The following STEAP1B variants were observed in gnomAD, a reference collection of about 807,000 sequenced individuals.
The protein encoded by STEAP1B is STEAP family member 1B.
A neutral mutation model predicts 27.9 loss-of-function variants in STEAP1B; 13 were observed. The observed-to-expected ratio is 0.47, with a 90% CI of 0.30 to 0.74. The LOEUF (loss-of-function observed/expected upper bound fraction) is 0.74. Ranked by LOEUF, STEAP1B falls within the 30% of genes least tolerant of loss-of-function variation. The probability of loss-of-function intolerance (pLI) is 0.06; values close to 1 mark genes in which losing one functional copy is unlikely to be tolerated. For synonymous variants in STEAP1B, 86 were observed against 107.1 expected, an observed-to-expected ratio of 0.80 and a Z score of 1.22; for missense variants, 250 against 298.7, an observed-to-expected ratio of 0.84 and a Z score of 1.20.
rs115232071 is a variant in STEAP1B at position 22,480,443 on chromosome 7, C to T, written c.762+12122G>A. Among the ~76,000 whole-genome samples the T allele has an allele frequency of 6.3e-3, 954 of 152,282 alleles. 12 individuals are homozygous for T. Among genetic ancestry groups the T allele is most frequent in the African/African-American group, 0.022 (919 of 41,548 alleles). ...AAGGCGACAAGAATGTGAGGACACA[C>T]GCTCAAGGTGGGTACTGACAATGCC... On this transcript the variant is annotated intron_variant, in intron 4 of 4. Transcript: ENST00000678116.
chr7:22,481,749 T>C (rs560512234), intron 4 of STEAP1B, among the ~76,000 whole-genome samples: 1 of 152,336 alleles, frequency 6.6e-6, no homozygotes, highest in East Asian at 1.9e-4. Context: ...GGCTATGCCA[T>C]TGCAGGTGCT....
intron 4 of STEAP1B, among the ~76,000 whole-genome samples, chr7:22,427,286 C>A (rs1020411265): frequency 1.3e-5 from 2 of 152,166 alleles, no homozygotes; most frequent in Non-Finnish European, 2.9e-5. Flanking sequence ...GGACAATAGG[C>A]CAAGCAAGAG....
intron 4 of STEAP1B, among the ~76,000 whole-genome samples, chr7:22,456,952 C>CTATATATA (rs199847360): frequency 1.2e-4 from 9 of 73,270 alleles, no homozygotes; most frequent in South Asian, 6.3e-4. Context: ...GGATAGGCAG[C>CTATATATA]TATATATATA....
intron 4 of STEAP1B, among the ~76,000 whole-genome samples, chr7:22,446,138 T>C (rs1785406245): frequency 6.6e-6 from 1 of 152,210 alleles, no homozygotes; most frequent in African/African-American, 2.4e-5. Context: ...GGGCTGTATA[T>C]GAGATGAAGG....
chr7:22,480,360 G>C (rs1030656515), intron 4 of STEAP1B, among the ~76,000 whole-genome samples: 1 of 152,196 alleles, frequency 6.6e-6, no homozygotes, highest in South Asian at 2.1e-4. Flanking sequence ...ACTATTCTGA[G>C]ACTGTAGTCA....
intron 4 of STEAP1B, among the ~76,000 whole-genome samples, chr7:22,439,550 T>G (rs1785300991): frequency 1.3e-5 from 2 of 152,324 alleles, no homozygotes; most frequent in South Asian, 4.1e-4. Context: ...AGTTCCATAT[T>G]GTTCAAAAGG....
In STEAP1B at chr7:22,430,426, G is replaced by A. The variant is rs531052893; in HGVS notation, c.763-10590C>T. Among the ~76,000 whole-genome samples the A allele has an allele frequency of 4.6e-5, 7 of 152,274 alleles. No individual in the cohort carries two copies. The South Asian group carries it at 8.3e-4, about 18-fold the overall frequency. On this transcript the variant is annotated intron_variant, in intron 4 of 4. Transcript: ENST00000678116. Reference sequence around the variant, plus strand: ...ACCACAAGTGCATCATTAATCTTACGACTGAGGCAAGGAATTATTAAAATC... The same window carrying A: ...ACCACAAGTGCATCATTAATCTTACAACTGAGGCAAGGAATTATTAAAATC...
chr7:22,438,848 T>C, intron 4 of STEAP1B: 1 of 1,318,572 alleles, frequency 7.6e-7, no homozygotes, highest in Non-Finnish European at 9.9e-7. Flanking sequence ...GAAAACTGAA[T>C]ACTCTCCTTC....
intron 4 of STEAP1B, among the ~76,000 whole-genome samples, chr7:22,439,827 A>G (rs1785305425): frequency 6.6e-6 from 1 of 152,156 alleles, no homozygotes; most frequent in African/African-American, 2.4e-5. Context: ...CAGAGCTTAT[A>G]TGAAGTATCC....
intron 4 of STEAP1B, among the ~76,000 whole-genome samples, chr7:22,468,328 C>T (rs1194688325): frequency 6.6e-6 from 1 of 151,972 alleles, no homozygotes; most frequent in Non-Finnish European, 1.5e-5. Flanking sequence ...ATTATTACCT[C>T]CATTTTATAG....
intron 4 of STEAP1B, among the ~76,000 whole-genome samples, chr7:22,462,836 A>C (rs1022050562): frequency 2.9e-4 from 44 of 151,584 alleles, no homozygotes; most frequent in Non-Finnish European, 5.2e-4. Context: ...GAACTAGTTT[A>C]CAGTCCCACC....
At chr7:22,437,123 G>T (rs1785265336) in intron 4 of STEAP1B, among the ~76,000 whole-genome samples, 2 of 152,190 alleles carry the variant, frequency 1.3e-5, no homozygotes, top group Admixed American at 1.3e-4. Context: ...CTAATACCCA[G>T]TATCTATAAG....
At chr7:22,474,885 G>A (rs1785944851) in intron 4 of STEAP1B, among the ~76,000 whole-genome samples, 1 of 152,220 alleles carries the variant, frequency 6.6e-6, no homozygotes, top group African/African-American at 2.4e-5. Context: ...GCAGGTAGCT[G>A]TGTGAACATT....
intron 4 of STEAP1B, among the ~76,000 whole-genome samples, chr7:22,452,340 G>C (rs1785504262): frequency 6.6e-6 from 1 of 152,124 alleles, no homozygotes; most frequent in African/African-American, 2.4e-5. Flanking sequence ...TCATATTTGT[G>C]TGAGAAACGG....
intron 4 of STEAP1B, among the ~76,000 whole-genome samples, chr7:22,448,272 C>T (rs927734930): frequency 1.3e-5 from 2 of 152,116 alleles, no homozygotes; most frequent in Non-Finnish European, 2.9e-5. Flanking sequence ...TTAATGAATG[C>T]ATTTCTATAT....
At chr7:22,476,546 T>C (rs183780979) in intron 4 of STEAP1B, among the ~76,000 whole-genome samples, 5 of 152,328 alleles carry the variant, frequency 3.3e-5, no homozygotes, top group African/African-American at 1.2e-4. Context: ...ATCCCCTGTA[T>C]AGTCCACATT....
chr7:22,442,703 T>A (rs906013768), intron 4 of STEAP1B, among the ~76,000 whole-genome samples: 1 of 152,200 alleles, frequency 6.6e-6, no homozygotes, highest in Admixed American at 6.5e-5. Context: ...CACATTGCAG[T>A]GACTTTGGGC....
intron 4 of STEAP1B, among the ~76,000 whole-genome samples, chr7:22,491,943 T>C (rs1054850022): frequency 2.0e-5 from 3 of 152,136 alleles, no homozygotes; most frequent in Admixed American, 6.5e-5. Flanking sequence ...TGAAGTAGAA[T>C]AGAGGATATA....
chr7:22,437,272 C>T (rs1253071291), intron 4 of STEAP1B, among the ~76,000 whole-genome samples: 4 of 152,212 alleles, frequency 2.6e-5, no homozygotes, highest in African/African-American at 4.8e-5. Context: ...TCCTCTCCCT[C>T]GTTCCTAATA....
Sources: gnomAD v4.1 joint callset for allele counts (sites outside exome capture counted in the v4.1 genomes callset) on GRCh38, gnomAD v4.1.1 for gene constraint, MANE v1.5 for transcripts, NCBI Gene and HGNC (gene_info 2026-07-23, HGNC 2026-07-21) for gene names.